The following TNR variants were observed in gnomAD, a reference collection of about 807,000 sequenced individuals.
TNR encodes the protein tenascin-R.
Under a neutral mutation model 150.4 loss-of-function variants are expected in TNR, and 45 were observed. The ratio of observed to expected loss-of-function variants is 0.30; its 90% CI spans 0.24 to 0.38. TNR has a LOEUF of 0.38. Ranked by LOEUF, TNR falls within the 10% of genes least tolerant of loss-of-function variation. The pLI, the probability that TNR is intolerant of heterozygous loss-of-function variation, is 1.00. For missense variants in TNR, 1,544 were observed against 1,759.1 expected (o/e 0.88, Z 2.19); for synonymous variants, 687 against 678.4 (o/e 1.01, Z -0.20).
intron 2 of TNR, among the ~76,000 whole-genome samples, chr1:175,468,420 ACTT>A (rs980854287): frequency 6.6e-6 from 1 of 152,190 alleles, no homozygotes; most frequent in East Asian, 1.9e-4. Context: ...ACCTTTAGAC[ACTT>A]CTTTAACAAA....
intron 16 of TNR, 33 bp from the exon 17 acceptor site, chr1:175,355,666 G>C: frequency 1.2e-6 from 2 of 1,611,592 alleles, no homozygotes; most frequent in African/African-American, 1.3e-5. Context: ...GGGCATGCCT[G>C]CCTCTCCAGC....
chr1:175,423,774 G>A (rs985628634), intron 2 of TNR, among the ~76,000 whole-genome samples: 11 of 152,166 alleles, frequency 7.2e-5, no homozygotes, highest in Admixed American at 1.3e-4. Flanking sequence ...AACTAGGGTG[G>A]ATAAAGCCAC....
chr1:175,739,215 G>T (rs1667855411), intron 1 of TNR, among the ~76,000 whole-genome samples: 1 of 152,192 alleles, frequency 6.6e-6, no homozygotes. Context: ...TCTCCAAATG[G>T]AAGGAGGCAG....
At chr1:175,419,922 C>T (rs933823382) in intron 2 of TNR, among the ~76,000 whole-genome samples, 1 of 152,180 alleles carries the variant, frequency 6.6e-6, no homozygotes, top group Non-Finnish European at 1.5e-5. Flanking sequence ...TCCAGAGCTT[C>T]ACTCTTTCCC....
intron 2 of TNR, among the ~76,000 whole-genome samples, chr1:175,521,182 T>C (rs187248228): frequency 1.4e-3 from 219 of 152,334 alleles, no homozygotes; most frequent in Middle Eastern, 6.8e-3. Flanking sequence ...CTGCTCTCCA[T>C]AGAACCCTTC....
At position 175,741,449 on chromosome 1, in the gene TNR, T is replaced by G. The variant is rs139564473; in HGVS notation, c.-165+1777A>C. Among the ~76,000 whole-genome samples the G allele has an allele frequency of 2.0e-5, 3 of 152,348 alleles. 1 individual carries two copies. On this transcript the variant is annotated intron_variant, in intron 1 of 22. Transcript: ENST00000367674. ...CAAGGGCATAATTTTTTAAAAATCC[T>G]CAGTGATGTGTCATGCAGAAATCTA... is the stretch of plus-strand genomic sequence containing the variant.
chr1:175,563,479 C>G lies in TNR; in HGVS notation c.-164-35110G>C, dbSNP rs61805100. On this transcript the variant is annotated intron_variant, in intron 1 of 22. Coordinates refer to ENST00000367674, the MANE Select transcript of TNR (RefSeq NM_003285.3). ...CTATCAAAGGGTATTAAAAGACACA[C>G]CAGTTACTAGCCTTGAGAACAAAAG... 2.1e-3 allele frequency among the ~76,000 whole-genome samples: 313 copies of G among 152,296 alleles called. 2 individuals are homozygous for G. The highest frequency in any genetic ancestry group is 6.0e-3 in the South Asian group (29 of 4,816).
At position 175,367,230 on chromosome 1, in the gene TNR, T is replaced by C. The variant is rs1046862912; in HGVS notation, c.2031A>G (p.Pro677=). ...SAVMNSQQSV[P]ATMNARTELD... is the part of the protein sequence containing the mutation. ...CACCAGTCCTGGCATTCATGGTGGC[T>C]GGCACGCTTTGCTGTGAGTTCATGA... is the stretch of plus-strand genomic sequence containing the variant. The change falls in exon 10 of 23, where the codon CCA becomes CCG. Residue 677 remains proline (P), a synonymous_variant. Coordinates refer to ENST00000367674, the MANE Select transcript of TNR (RefSeq NM_003285.3). 1.2e-6 allele frequency: 2 copies of C among 1,614,172 alleles called. No homozygotes were observed. The highest frequency in any genetic ancestry group is 1.3e-5 in the African/African-American group (1 of 75,052).
At chr1:175,641,996 C>T (rs1376785889) in intron 1 of TNR, among the ~76,000 whole-genome samples, 2 of 152,156 alleles carry the variant, frequency 1.3e-5, no homozygotes, top group African/African-American at 4.8e-5. Context: ...AACCCTGTCC[C>T]TGCTATCAAG....
chr1:175,710,540 T>C (rs986511223), intron 1 of TNR, among the ~76,000 whole-genome samples: 2 of 151,634 alleles, frequency 1.3e-5, no homozygotes, highest in African/African-American at 4.9e-5. Context: ...TGGGAGAGAG[T>C]GCAGAGTGCC....
At chr1:175,614,859 G>A (rs143804154) in intron 1 of TNR, among the ~76,000 whole-genome samples, 5 of 152,346 alleles carry the variant, frequency 3.3e-5, no homozygotes, top group African/African-American at 1.2e-4. Context: ...CACACAGTGG[G>A]TGACCGGCTG....
At chr1:175,654,365 TA>T (rs1665105081) in intron 1 of TNR, among the ~76,000 whole-genome samples, 1 of 152,206 alleles carries the variant, frequency 6.6e-6, no homozygotes, top group Non-Finnish European at 1.5e-5. Flanking sequence ...CAGAAGAAGT[TA>T]ACCCCCCTTC....
intron 1 of TNR, among the ~76,000 whole-genome samples, chr1:175,578,386 T>A (rs1662206940): frequency 6.6e-6 from 1 of 151,680 alleles, no homozygotes; most frequent in South Asian, 2.1e-4. Context: ...GGAAAGGCAC[T>A]GGAGGGGAAT....
chr1:175,328,645 T>C (rs978395234), intron 21 of TNR, among the ~76,000 whole-genome samples: 2 of 152,172 alleles, frequency 1.3e-5, no homozygotes, highest in African/African-American at 4.8e-5. Context: ...AATTAGCTGA[T>C]GATGAACAGC....
chr1:175,505,153 C>CG (rs11409607), intron 2 of TNR, among the ~76,000 whole-genome samples: 152,343 of 152,346 alleles, frequency 1, 76,170 homozygotes, highest in Middle Eastern at 1. Flanking sequence ...CAGGCTGCCT[C>CG]GCTGTGCCCA....
intron 1 of TNR, among the ~76,000 whole-genome samples, chr1:175,722,926 G>A (rs934302586): frequency 2.6e-5 from 4 of 152,060 alleles, no homozygotes; most frequent in African/African-American, 9.6e-5. Flanking sequence ...CAAGTAGCTG[G>A]GATTACAGGC....
chr1:175,687,004 C>G (rs1471269856), intron 1 of TNR, among the ~76,000 whole-genome samples: 1 of 152,038 alleles, frequency 6.6e-6, no homozygotes, highest in African/African-American at 2.4e-5. Flanking sequence ...GGGTAGATAC[C>G]CAGTAGTGGG....
chr1:175,497,711 A>G (rs1017222753), intron 2 of TNR, among the ~76,000 whole-genome samples: 3 of 152,122 alleles, frequency 2.0e-5, no homozygotes, highest in Non-Finnish European at 4.4e-5. Context: ...CATCGGTACC[A>G]TGAGTCGGTC....
intron 1 of TNR, among the ~76,000 whole-genome samples, chr1:175,708,491 C>T (rs892746014): frequency 1.3e-5 from 2 of 152,222 alleles, no homozygotes; most frequent in Non-Finnish European, 2.9e-5. Context: ...TATCCTCGCA[C>T]TTTATGATTT....
Sources: allele counts gnomAD v4.1 joint callset (sites outside exome capture counted in the v4.1 genomes callset), GRCh38; gene constraint gnomAD v4.1.1; transcripts MANE v1.5; gene names NCBI Gene and HGNC (gene_info 2026-07-23, HGNC 2026-07-21).